LSAMP: variants seen among roughly 807,000 people sequenced by gnomAD.
LSAMP encodes limbic system-associated membrane protein.
In LSAMP, 7 loss-of-function variants were observed where a neutral mutation model predicts 38.6. The observed-to-expected ratio is 0.18, with a 90% confidence interval of 0.10 to 0.34. LSAMP has a LOEUF of 0.34. Among genes scored for constraint, LSAMP ranks in the 10% least tolerant of loss-of-function variants. LSAMP has a pLI of 1.00. For missense variants in LSAMP, 313 were observed against 420.0 expected, an observed-to-expected ratio of 0.75 and a Z score of 2.23; for synonymous variants, 154 against 166.8, an observed-to-expected ratio of 0.92 and a Z score of 0.59.
At chr3:116,276,129 A>C (rs1272291786) in intron 1 of LSAMP, among the ~76,000 whole-genome samples, 2 of 152,136 alleles carry the variant, frequency 1.3e-5, no homozygotes, top group Non-Finnish European at 2.9e-5. Context: ...TTATATTCTA[A>C]TTGGTTTATA....
chr3:116,183,774 G>T (rs1189527581), intron 1 of LSAMP, among the ~76,000 whole-genome samples: 1 of 151,684 alleles, frequency 6.6e-6, no homozygotes, highest in Non-Finnish European at 1.5e-5. Flanking sequence ...ACATTTAAAA[G>T]CATCCCTGAT....
At chr3:115,999,521 T>C (rs568207327) in intron 3 of LSAMP, among the ~76,000 whole-genome samples, 118 of 152,292 alleles carry the variant, frequency 7.7e-4, no homozygotes, top group Non-Finnish European at 1.1e-3. Flanking sequence ...GTTTGAAGGA[T>C]GAGCTTCAGG....
At chr3:116,050,443 T>C (rs1161313628) in intron 2 of LSAMP, among the ~76,000 whole-genome samples, 1 of 152,126 alleles carries the variant, frequency 6.6e-6, no homozygotes, top group Non-Finnish European at 1.5e-5. Context: ...TTGCCATCTG[T>C]TTCCTGCAGG....
intron 1 of LSAMP, among the ~76,000 whole-genome samples, chr3:116,289,406 T>C (rs189279001): frequency 2.0e-5 from 3 of 152,338 alleles, no homozygotes; most frequent in Admixed American, 1.3e-4. Flanking sequence ...GTATTTAACT[T>C]AGAACAAATT....
chr3:116,118,585 G>A (rs540215778), intron 1 of LSAMP, among the ~76,000 whole-genome samples: 17 of 152,242 alleles, frequency 1.1e-4, no homozygotes, highest in Middle Eastern at 3.4e-3. Context: ...GGGTGAGAGG[G>A]AGCAAAATTG....
At chr3:116,277,077 A>T (rs1030469611) in intron 1 of LSAMP, among the ~76,000 whole-genome samples, 2 of 152,230 alleles carry the variant, frequency 1.3e-5, no homozygotes, top group African/African-American at 4.8e-5. Context: ...TCCATGCATC[A>T]ATGGATACCT....
In LSAMP at chr3:115,807,066, A is replaced by G. The variant is rs1933646843; in HGVS notation, c.*3251T>C. The G allele has an allele frequency of 6.6e-6, 1 of 152,176 alleles. No individual in the cohort carries two copies. The highest frequency in any genetic ancestry group is 1.5e-5 in the Non-Finnish European group (1 of 68,032). 9.4% of individuals were successfully genotyped at this position (152,176 alleles called of 1,614,324 possible). On this transcript the variant is annotated 3_prime_UTR_variant, in exon 7 of 7. Transcript: ENST00000490035. ...TGAATTTCACTCCTCTCAGTATATTATTTCCAACCAGTTGGTGCTTTTCAG... is the reference window on the plus strand; with the variant it reads ...TGAATTTCACTCCTCTCAGTATATTGTTTCCAACCAGTTGGTGCTTTTCAG...
At chr3:116,426,725 C>A (rs76031128) in intron 1 of LSAMP, among the ~76,000 whole-genome samples, 1 of 152,174 alleles carries the variant, frequency 6.6e-6, no homozygotes, top group African/African-American at 2.4e-5. Flanking sequence ...TGTATCTTCT[C>A]TCTTTGTCCT....
chr3:116,278,244 G>C (rs750677586), intron 1 of LSAMP, among the ~76,000 whole-genome samples: 2 of 152,048 alleles, frequency 1.3e-5, no homozygotes, highest in Non-Finnish European at 2.9e-5. Context: ...CCTTTCATGT[G>C]ATTTAAGAGC....
intron 1 of LSAMP, among the ~76,000 whole-genome samples, chr3:116,119,249 C>A (rs1005494372): frequency 4.0e-4 from 60 of 151,762 alleles, no homozygotes; most frequent in African/African-American, 1.2e-3. Flanking sequence ...GTAAAACATG[C>A]TTTTTAAAAA....
chr3:115,938,399 TC>T (rs1308762724), intron 3 of LSAMP, among the ~76,000 whole-genome samples: 4 of 152,198 alleles, frequency 2.6e-5, no homozygotes, highest in Non-Finnish European at 5.9e-5. Context: ...CCATTTAGTT[TC>T]CCCATTACAT....
At chr3:115,990,720 A>T (rs968243818) in intron 3 of LSAMP, among the ~76,000 whole-genome samples, 8 of 152,056 alleles carry the variant, frequency 5.3e-5, no homozygotes, top group African/African-American at 1.9e-4. Context: ...CCTATCATCA[A>T]CGGCCTTGTC....
chr3:115,972,260 A>G (rs1347306991), intron 3 of LSAMP, among the ~76,000 whole-genome samples: 1 of 152,002 alleles, frequency 6.6e-6, no homozygotes, highest in African/African-American at 2.4e-5. Flanking sequence ...ATAGCAACTA[A>G]ATCATATGAA....
chr3:115,994,781 G>A (rs1205305015), intron 3 of LSAMP, among the ~76,000 whole-genome samples: 1 of 151,932 alleles, frequency 6.6e-6, no homozygotes, highest in Non-Finnish European at 1.5e-5. Flanking sequence ...TTTAATCTGT[G>A]GACTCAAAAG....
intron 1 of LSAMP, among the ~76,000 whole-genome samples, chr3:116,106,786 G>A (rs1708477946): frequency 6.6e-6 from 1 of 152,078 alleles, no homozygotes; most frequent in Non-Finnish European, 1.5e-5. Flanking sequence ...TAGACTAAGA[G>A]GTATTTTAGT....
At chr3:116,239,691 A>G (rs1413873983) in intron 1 of LSAMP, among the ~76,000 whole-genome samples, 1 of 152,200 alleles carries the variant, frequency 6.6e-6, no homozygotes, top group Non-Finnish European at 1.5e-5. Flanking sequence ...TATCCCTGGA[A>G]GAGTTCAATC....
At chr3:116,428,335 G>A (rs1467604901) in intron 1 of LSAMP, among the ~76,000 whole-genome samples, 1 of 152,150 alleles carries the variant, frequency 6.6e-6, no homozygotes, top group Non-Finnish European at 1.5e-5. Context: ...GTGTGGGCCT[G>A]TAGTCCCAGC....
At chr3:116,110,035 A>AT (rs1708566114) in intron 1 of LSAMP, among the ~76,000 whole-genome samples, 1 of 151,572 alleles carries the variant, frequency 6.6e-6, no homozygotes, top group South Asian at 2.1e-4. Context: ...GGGCACAGAG[A>AT]TAAGAGGTCG....
intron 2 of LSAMP, among the ~76,000 whole-genome samples, chr3:116,064,900 C>T (rs773439654): frequency 7.2e-5 from 11 of 152,272 alleles, no homozygotes; most frequent in South Asian, 2.1e-4. Flanking sequence ...TAAGCCACTA[C>T]GTACTAAACA....
Sources: gnomAD v4.1 joint callset for allele counts (sites outside exome capture counted in the v4.1 genomes callset) on GRCh38, gnomAD v4.1.1 for gene constraint, MANE v1.5 for transcripts, NCBI Gene and HGNC (gene_info 2026-07-23, HGNC 2026-07-21) for gene names.